The following LYZL2 variants were observed in gnomAD, a reference collection of about 807,000 sequenced individuals.
LYZL2 encodes the protein lysozyme-like protein 2.
Under a neutral mutation model 17.1 loss-of-function variants are expected in LYZL2, and 13 were observed. The observed-to-expected ratio is 0.76, with a 90% CI of 0.49 to 1.21. The LOEUF is 1.21. LYZL2 is among the 50% of genes most tolerant of loss of function. The pLI is 0.00. For synonymous variants in LYZL2, 63 were observed against 74.4 expected (o/e 0.85, Z 0.79); for missense variants, 166 against 189.2 (o/e 0.88, Z 0.72).
At chr10:30,623,250 A>G (rs1416753024) in intron 3 of LYZL2, among the ~76,000 whole-genome samples, 1 of 152,262 alleles carries the variant, frequency 6.6e-6, no homozygotes, top group Non-Finnish European at 1.5e-5. Context: ...AAAATTAGAA[A>G]GGAAGTAACA....
intron 3 of LYZL2, among the ~76,000 whole-genome samples, chr10:30,617,253 G>T (rs538339903): frequency 1.3e-5 from 2 of 152,274 alleles, no homozygotes; most frequent in Non-Finnish European, 2.9e-5. Flanking sequence ...TCCTGAAAGG[G>T]TCAGGCCATG....
At chr10:30,628,819 T>C (rs111998980) in intron 1 of LYZL2, among the ~76,000 whole-genome samples, 2,586 of 152,292 alleles carry the variant, frequency 0.017, 73 homozygotes, top group African/African-American at 0.058. Context: ...CTGCATTGCA[T>C]GAGGGGCATG....
chr10:30,623,605 G>A (rs1838657924), intron 3 of LYZL2, among the ~76,000 whole-genome samples: 1 of 152,106 alleles, frequency 6.6e-6, no homozygotes, highest in African/African-American at 2.4e-5. Flanking sequence ...GCTTGCAAGG[G>A]ATTTAGGTTA....
chr10:30,617,295 G>A (rs1260732661), intron 3 of LYZL2, among the ~76,000 whole-genome samples: 1 of 152,182 alleles, frequency 6.6e-6, no homozygotes, highest in African/African-American at 2.4e-5. Flanking sequence ...GCGTAAAGTT[G>A]TTTGTCCCCT....
chr10:30,607,027 C>A (rs1032304336), downstream of LYZL2, among the ~76,000 whole-genome samples: 1 of 151,400 alleles, frequency 6.6e-6, no homozygotes, highest in Non-Finnish European at 1.5e-5. Context: ...TCTCCTGCCT[C>A]AGCCTCCTGA....
At chr10:30,617,855 C>T (rs111396297) in intron 3 of LYZL2, among the ~76,000 whole-genome samples, 16,969 of 151,294 alleles carry the variant, frequency 0.11, 1,008 homozygotes, top group South Asian at 0.18. Context: ...AAATAAAGGG[C>T]ATTCAATTAG....
rs534637709 is a variant in LYZL2, at chr10:30,619,307, C to T, written c.299-6407G>A. ...ATCTAGAACTAGAAATACCATTTGA[C>T]GCAGCCATCCCATTACTGGGTATAT... is the stretch of plus-strand genomic sequence containing the variant. On this transcript the variant is annotated intron_variant, in intron 3 of 4. Transcript: ENST00000647634. Among the ~76,000 whole-genome samples the T allele has an allele frequency of 5.9e-5, 9 of 152,262 alleles. No individual in the cohort carries two copies. The South Asian group carries it at 1.5e-3, about 25-fold the overall frequency.
At chr10:30,608,803 G>A (rs1838401638), downstream of LYZL2, among the ~76,000 whole-genome samples, 2 of 152,138 alleles carry the variant, frequency 1.3e-5, no homozygotes, top group South Asian at 4.1e-4. Flanking sequence ...GATTCCACAT[G>A]TGTCCAGTGG....
chr10:30,627,139 G>A (rs918760384), intron 1 of LYZL2, among the ~76,000 whole-genome samples, 199 bp from the exon 2 acceptor site: 2 of 152,092 alleles, frequency 1.3e-5, no homozygotes, highest in African/African-American at 4.8e-5. Flanking sequence ...TTTCCATACA[G>A]TAACTTTCAA....
downstream of LYZL2, among the ~76,000 whole-genome samples, chr10:30,610,945 TA>T (rs1204979076): frequency 1.3e-5 from 2 of 152,128 alleles, no homozygotes; most frequent in Non-Finnish European, 2.9e-5. Context: ...AAATGGTGTC[TA>T]GGCTTGTGGG....
intron 3 of LYZL2, among the ~76,000 whole-genome samples, chr10:30,623,689 T>C (rs1408587404): frequency 1.3e-5 from 2 of 152,194 alleles, no homozygotes; most frequent in African/African-American, 4.8e-5. Flanking sequence ...GACTGTCTAG[T>C]TGCAGGAAAA....
At chr10:30,619,838 T>C (rs1302368740) in intron 3 of LYZL2, among the ~76,000 whole-genome samples, 1 of 151,170 alleles carries the variant, frequency 6.6e-6, no homozygotes, top group Non-Finnish European at 1.5e-5. Context: ...AATAAAAAAA[T>C]TAAAAAAAAG....
intron 3 of LYZL2, among the ~76,000 whole-genome samples, chr10:30,615,853 A>T (rs895740319): frequency 6.6e-6 from 1 of 151,438 alleles, no homozygotes; most frequent in African/African-American, 2.4e-5. Flanking sequence ...CATTTTTGTC[A>T]TCATGGAAAG....
Position 30,611,793 on chromosome 10 carries a change from T to A in LYZL2, c.*162A>T. 4 of 1,274,960 alleles carry A rather than the reference T, an allele frequency of 3.1e-6. No individual in the cohort carries two copies. The highest frequency in any genetic ancestry group is 4.3e-6 in the Non-Finnish European group (4 of 924,468). The allele number at this position is 1,274,960 out of a possible 1,614,324, so 79.0% of individuals were successfully genotyped here. A position where few individuals can be genotyped will look rare whatever the true frequency, so the allele number is the denominator to read the frequency against. Reference sequence around the variant, plus strand: ...AGGGAACCGAGTCAGGGTGAAGACATTTAAATGGAAATATTTATTTTCTTA... The same window carrying A: ...AGGGAACCGAGTCAGGGTGAAGACAATTAAATGGAAATATTTATTTTCTTA... On this transcript the variant is annotated 3_prime_UTR_variant, in exon 5 of 5. Coordinates refer to ENST00000647634, the MANE Select transcript of LYZL2 (RefSeq NM_183058.3).
chr10:30,614,171 C>G (rs932555747), intron 3 of LYZL2, among the ~76,000 whole-genome samples: 3 of 152,224 alleles, frequency 2.0e-5, no homozygotes, highest in Non-Finnish European at 4.4e-5. Context: ...AACATTACTT[C>G]TACTGCAAGT....
At chr10:30,624,999 A>G (rs1203678986) in intron 3 of LYZL2, among the ~76,000 whole-genome samples, 1 of 152,160 alleles carries the variant, frequency 6.6e-6, no homozygotes, top group African/African-American at 2.4e-5. Flanking sequence ...GAAGCCTGGA[A>G]TGGCCCTTGG....
chr10:30,616,520 ACAAT>A (rs1564407544), intron 3 of LYZL2, among the ~76,000 whole-genome samples: 1 of 152,264 alleles, frequency 6.6e-6, no homozygotes, highest in Non-Finnish European at 1.5e-5. Flanking sequence ...CTCAAAACAA[ACAAT>A]CAAACAAACA....
downstream of LYZL2, among the ~76,000 whole-genome samples, chr10:30,608,551 C>T (rs368537): frequency 0.49 from 74,339 of 151,974 alleles, 18,975 homozygotes; most frequent in Middle Eastern, 0.57. Context: ...AACTAGGACA[C>T]GTTCTGTCAT....
chr10:30,613,419 C>T (rs1838477598), intron 3 of LYZL2, among the ~76,000 whole-genome samples: 1 of 151,316 alleles, frequency 6.6e-6, no homozygotes. Context: ...ATCACTTGAG[C>T]CCAGGAGGTC....
Sources: allele counts gnomAD v4.1 joint callset (sites outside exome capture counted in the v4.1 genomes callset), GRCh38; gene constraint gnomAD v4.1.1; transcripts MANE v1.5; gene names NCBI Gene and HGNC (gene_info 2026-07-23, HGNC 2026-07-21).